SCD: variants seen among roughly 807,000 people sequenced by gnomAD.
SCD encodes acyl-CoA desaturase.
SCD carries 4 observed loss-of-function variants against 35.7 expected under a neutral mutation model. The ratio of observed to expected loss-of-function variants is 0.11; its 90% CI spans 0.06 to 0.26. The LOEUF (loss-of-function observed/expected upper bound fraction) is 0.26, where lower values mean the gene tolerates loss of function less well. Ranked by LOEUF, SCD falls within the 10% of genes least tolerant of loss-of-function variation. The pLI is 1.00. For missense variants in SCD, 282 were observed against 460.7 expected, an observed-to-expected ratio of 0.61 and a Z score of 3.55; for synonymous variants, 150 against 170.2, an observed-to-expected ratio of 0.88 and a Z score of 0.92.
chr10:100,347,419 T>G lies in SCD; in HGVS notation c.-86T>G. On this transcript the variant is annotated 5_prime_UTR_variant, in exon 1 of 6. Coordinates refer to ENST00000370355, the MANE Select transcript of SCD (RefSeq NM_005063.5). ...CGCGGCTCAGCGCGTACCGGCGGGC[T>G]TCGAAACCGCAGTCCTCCGGCGACC... is the stretch of plus-strand genomic sequence containing the variant. 1 of 1,471,292 alleles carries G rather than the reference T, an allele frequency of 6.8e-7. No homozygotes were observed. Among genetic ancestry groups the G allele is most frequent in the South Asian group, 1.2e-5 (1 of 83,904 alleles). The allele number at this position is 1,471,292 out of a possible 1,614,324, so 91.1% of individuals were successfully genotyped here.
At position 100,348,012 on chromosome 10, in the gene SCD, A is replaced by G. The variant is rs1482876435; in HGVS notation, c.28-52A>G. On this transcript the variant is annotated intron_variant, in intron 1 of 5. Coordinates refer to ENST00000370355, the MANE Select transcript of SCD (RefSeq NM_005063.5). ...CGTGATTAGAGAGCGGAGTGGCCCC[A>G]GCTGCCTCCACGTGTCTCTTCTCCT... The G allele has an allele frequency of 5.1e-6, 8 of 1,568,998 alleles. No homozygotes were observed. In the East Asian group the frequency reaches 1.8e-4, roughly 35 times the overall value.
intron 3 of SCD, among the ~76,000 whole-genome samples, chr10:100,354,168 T>C (rs957285661): frequency 6.6e-6 from 1 of 152,274 alleles, no homozygotes; most frequent in Non-Finnish European, 1.5e-5. Flanking sequence ...TTACCTCCGT[T>C]CCACCCACCA....
chr10:100,355,690 G>T, intron 4 of SCD, among the ~76,000 whole-genome samples: 1 of 152,170 alleles, frequency 6.6e-6, no homozygotes. Flanking sequence ...GGCAGAAATG[G>T]AGAAAAGAGT....
chr10:100,354,602 A>C lies in SCD; in HGVS notation c.617A>C (p.Glu206Ala). The C allele has an allele frequency of 6.2e-7, 1 of 1,614,178 alleles. No individual in the cohort carries two copies. The highest frequency in any genetic ancestry group is 8.5e-7 in the Non-Finnish European group (1 of 1,180,036). ...KGSTLDLSDL[E>A]AEKLVMFQRR... The stretch of plus-strand genomic sequence containing the variant: ...AGTACGCTAGACTTGTCTGACCTAG[A>C]AGCTGAGAAACTGGTGATGTTCCAG... Residue 206 changes from glutamate to alanine, a missense_variant, in exon 4 of 6, where the codon GAA becomes GCA. Transcript: ENST00000370355.
intron 3 of SCD, 88 bp from the exon 4 acceptor site, chr10:100,354,339 G>A (rs747830199): frequency 3.6e-5 from 43 of 1,178,696 alleles, no homozygotes; most frequent in Admixed American, 1.7e-4. Flanking sequence ...TGGGCTGAGC[G>A]CCTTGGGCTC....
Position 100,361,250 on chromosome 10 carries a change from T to G in SCD, c.*317T>G. 1 of 330,706 alleles carries G rather than the reference T, an allele frequency of 3.0e-6. No individual in the cohort carries two copies. Among genetic ancestry groups the G allele is most frequent in the South Asian group, 3.5e-5 (1 of 28,898 alleles). The allele number at this position is 330,706 out of a possible 1,614,324, so 20.5% of individuals were successfully genotyped here. A position where few individuals can be genotyped will look rare whatever the true frequency, so the allele number is the denominator to read the frequency against. Reference sequence around the variant, plus strand: ...GGTCAGTCTTTGCTCAGTGTCCAGCTTCCAAAGCCTAGACAACCTTTCTGT... The same window carrying G: ...GGTCAGTCTTTGCTCAGTGTCCAGCGTCCAAAGCCTAGACAACCTTTCTGT... On this transcript the variant is annotated 3_prime_UTR_variant, in exon 6 of 6. Coordinates refer to ENST00000370355, the MANE Select transcript of SCD (RefSeq NM_005063.5).
intron 1 of SCD, among the ~76,000 whole-genome samples, chr10:100,347,816 C>T (rs1259871406): frequency 6.6e-6 from 1 of 152,152 alleles, no homozygotes; most frequent in South Asian, 2.1e-4. Flanking sequence ...TTTACTTCTC[C>T]TTCCTACTGC....
intron 3 of SCD, among the ~76,000 whole-genome samples, chr10:100,353,638 G>A (rs1299173244): frequency 6.6e-6 from 1 of 151,790 alleles, no homozygotes; most frequent in Non-Finnish European, 1.5e-5. Context: ...AATGGGGAAA[G>A]GGAATGCATC....
intron 5 of SCD, 51 bp from the exon 6 acceptor site, chr10:100,360,683 C>T (rs932129745): frequency 6.5e-7 from 1 of 1,549,110 alleles, no homozygotes; most frequent in African/African-American, 1.4e-5. Context: ...GTGCACAAAT[C>T]AAGAAAACCT....
At position 100,352,253 on chromosome 10, in the gene SCD, C is replaced by A; in HGVS notation, c.311-113C>A. 9.3e-7 allele frequency: 1 copy of A among 1,071,006 alleles called. No homozygotes were observed. Among genetic ancestry groups the A allele is most frequent in the Non-Finnish European group, 1.3e-6 (1 of 741,372 alleles). 66.3% of individuals were successfully genotyped at this position (1,071,006 alleles called of 1,614,324 possible). A position where few individuals can be genotyped will look rare whatever the true frequency, so the allele number is the denominator to read the frequency against. On this transcript the variant is annotated intron_variant, in intron 2 of 5. Coordinates refer to ENST00000370355, the MANE Select transcript of SCD (RefSeq NM_005063.5). This position sits in a 1 kb window ranked among gnomAD's most constrained non-coding sequence, Gnocchi z 4.2. ...CCTAGAGTTCATGGTAAAGCCAGTT[C>A]TCACCCAAAGCCTGACGAAGACAGT...
In SCD at chr10:100,347,491, A is replaced by G; in HGVS notation, c.-14A>G. ...CAGCCCCCTGGAAAGTGATCCCGGC[A>G]TCCGAGAGCCAAGATGCCGGCCCAC... is the stretch of plus-strand genomic sequence containing the variant. On this transcript the variant is annotated 5_prime_UTR_variant, in exon 1 of 6. Coordinates refer to ENST00000370355, the MANE Select transcript of SCD (RefSeq NM_005063.5). The G allele has an allele frequency of 6.2e-7, 1 of 1,613,874 alleles. No homozygotes were observed. The highest frequency in any genetic ancestry group is 8.5e-7 in the Non-Finnish European group (1 of 1,179,978).
Position 100,348,129 on chromosome 10 carries a change from A to G in SCD, c.93A>G (p.Gly31=). 1.2e-6 allele frequency: 2 copies of G among 1,613,700 alleles called. No individual in the cohort carries two copies. Among genetic ancestry groups the G allele is most frequent in the Non-Finnish European group, 1.7e-6 (2 of 1,179,790 alleles). Residue 31 remains glycine (G), a synonymous_variant, in exon 2 of 6, where the codon GGA becomes GGG. Transcript: ENST00000370355. ...CTCCCTCCAGGGTCCTGCAGAATGG[A>G]GGAGATAAGTTGGAGACGATGCCCC... The part of the protein sequence containing the change: ...TAPPSRVLQN[G]GDKLETMPLY...
chr10:100,352,318 A>G lies in SCD; in HGVS notation c.311-48A>G, dbSNP rs11190480. ...GAGTGTCTCTGGCATCCTTTCCCAG[A>G]TGGAACTCACACTGATTGGTGACTC... is the stretch of plus-strand genomic sequence containing the variant. On this transcript the variant is annotated intron_variant, in intron 2 of 5. Coordinates refer to ENST00000370355, the MANE Select transcript of SCD (RefSeq NM_005063.5). This position sits in a 1 kb window ranked among gnomAD's most constrained non-coding sequence, Gnocchi z 4.2. 0.098 allele frequency: 155,292 copies of G among 1,590,678 alleles called. 8,050 individuals are homozygous for G. The highest frequency in any genetic ancestry group is 0.15 in the East Asian group (6,718 of 44,446).
chr10:100,354,404 A>C, intron 3 of SCD, 23 bp from the exon 4 acceptor site: 1 of 1,598,184 alleles, frequency 6.3e-7, no homozygotes. Flanking sequence ...CAAGCCTTAC[A>C]TTCCTCTTCT....
intron 1 of SCD, 148 bp downstream of exon 1, chr10:100,347,679 T>C (rs1315101464): frequency 1.2e-6 from 1 of 868,880 alleles, no homozygotes; most frequent in Non-Finnish European, 1.8e-6. Flanking sequence ...GAGTTGGGAA[T>C]GTGGATTGTA....
chr10:100,347,605 C>T (rs1180082808), intron 1 of SCD, 74 bp downstream of exon 1: 2 of 1,559,636 alleles, frequency 1.3e-6, no homozygotes, highest in African/African-American at 2.7e-5. Flanking sequence ...GGGTTGGTGG[C>T]AGAAGAGAGG....
intron 2 of SCD, among the ~76,000 whole-genome samples, chr10:100,349,652 A>G (rs1849850682): frequency 6.6e-6 from 1 of 152,118 alleles, no homozygotes; most frequent in African/African-American, 2.4e-5. Flanking sequence ...GGGCAACAGT[A>G]CTTTTTTAGG....
At chr10:100,358,139 A>G (rs931528540) in intron 5 of SCD, among the ~76,000 whole-genome samples, 6 of 152,098 alleles carry the variant, frequency 3.9e-5, no homozygotes, top group Non-Finnish European at 8.8e-5. Flanking sequence ...AACTGGGATT[A>G]CAGGTGCATG....
intron 5 of SCD, among the ~76,000 whole-genome samples, chr10:100,360,003 G>GT (rs1849973471): frequency 6.6e-6 from 1 of 152,142 alleles, no homozygotes; most frequent in African/African-American, 2.4e-5. Context: ...GAGAGCTTCT[G>GT]TTTTATCAGC....
Sources: gnomAD v4.1 joint callset for allele counts (sites outside exome capture counted in the v4.1 genomes callset) on GRCh38, gnomAD v4.1.1 for gene constraint, Gnocchi (gnomAD v3.1) non-coding constraint, MANE v1.5 for transcripts, NCBI Gene and HGNC (gene_info 2026-07-23, HGNC 2026-07-21) for gene names.